Variants in ACSL6 observed in about 807,000 individuals in gnomAD.
ACSL6 encodes the protein acyl-CoA synthetase long chain family member 6.
Under a neutral mutation model 98.2 loss-of-function variants are expected in ACSL6, and 47 were observed. That is an observed-to-expected ratio of 0.48 (90% CI 0.38 to 0.61). The LOEUF (loss-of-function observed/expected upper bound fraction) is 0.61. Among genes scored for constraint, ACSL6 ranks in the 20% least tolerant of loss-of-function variants. The probability of loss-of-function intolerance (pLI) is 0.00; values close to 1 mark genes in which losing one functional copy is unlikely to be tolerated. For synonymous variants in ACSL6, 362 were observed against 336.9 expected (o/e 1.07, Z -0.82); for missense variants, 761 against 913.4 (o/e 0.83, Z 2.15).
chr5:131,959,712 C>T, intron 19 of ACSL6, 105 bp from the exon 20 acceptor site: 2 of 1,085,346 alleles, frequency 1.8e-6, no homozygotes, highest in Non-Finnish European at 1.4e-6. Flanking sequence ...ATTGTGCCAA[C>T]ATGTGCTAAC....
chr5:131,985,899 T>G (rs1011231014), intron 8 of ACSL6, among the ~76,000 whole-genome samples: 5 of 152,358 alleles, frequency 3.3e-5, no homozygotes, highest in African/African-American at 1.2e-4. Flanking sequence ...GCTTGGGCAC[T>G]GAGCTGCCCA....
At chr5:131,969,975 C>A (rs888335699) in intron 15 of ACSL6, among the ~76,000 whole-genome samples, 153 bp downstream of exon 15, 1 of 152,160 alleles carries the variant, frequency 6.6e-6, no homozygotes, top group Non-Finnish European at 1.5e-5. Context: ...ATGCCACAAC[C>A]CAGACATAAC....
At position 131,972,098 on chromosome 5, in the gene ACSL6, G is replaced by A. The variant is rs145031472; in HGVS notation, c.1339-453C>T. On this transcript the variant is annotated intron_variant, in intron 13 of 20. Coordinates refer to ENST00000651883, the MANE Select transcript of ACSL6 (RefSeq NM_001009185.3). The stretch of plus-strand genomic sequence containing the variant: ...TTATTTACTATGTACTGCTGAGGAC[G>A]AAGAATACTTGAAACACTTTGTTTA... 2.5e-3 allele frequency among the ~76,000 whole-genome samples: 378 copies of A among 152,184 alleles called. 3 individuals carry two copies. The highest frequency in any genetic ancestry group is 5.0e-3 in the Admixed American group (77 of 15,296).
In ACSL6 at chr5:131,989,413, C is replaced by A; in HGVS notation, c.546G>T (p.Arg182=). The part of the protein sequence containing the change: ...DQFIGVFAQN[R]PEWIIVELAC... ...AGTCAAGGTAGATGCTCACCTCTGG[C>A]CGATTTTGTGCAAAAACACCAATAA... The change falls in exon 5 of 21, where the codon CGG becomes CGT. Residue 182 remains arginine (R), a synonymous_variant. Coordinates refer to ENST00000651883, the MANE Select transcript of ACSL6 (RefSeq NM_001009185.3). The A allele has an allele frequency of 6.2e-7, 1 of 1,613,824 alleles. No individual in the cohort carries two copies. Among genetic ancestry groups the A allele is most frequent in the South Asian group, 1.1e-5 (1 of 91,056 alleles).
At chr5:131,986,102 G>A (rs1165276115) in intron 8 of ACSL6, among the ~76,000 whole-genome samples, 1 of 152,234 alleles carries the variant, frequency 6.6e-6, no homozygotes, top group Non-Finnish European at 1.5e-5. Context: ...TTGGGGAGAG[G>A]AACCAGCCTG....
At chr5:131,973,005 C>A (rs536283666) in intron 12 of ACSL6, 147 bp from the exon 13 acceptor site, 2 of 1,235,582 alleles carry the variant, frequency 1.6e-6, no homozygotes, top group Non-Finnish European at 2.2e-6. Flanking sequence ...TGACATTGAG[C>A]TGAAGGTTAA....
chr5:131,991,029 C>T (rs1323712540), intron 2 of ACSL6, 62 bp from the exon 3 acceptor site: 67 of 1,414,432 alleles, frequency 4.7e-5, no homozygotes, highest in Non-Finnish European at 5.8e-5. Flanking sequence ...AGGAGAGGGC[C>T]GCAGCATGCA....
intron 14 of ACSL6, 115 bp from the exon 15 acceptor site, chr5:131,970,315 G>A (rs1211147358): frequency 1.2e-6 from 1 of 866,128 alleles, no homozygotes; most frequent in Admixed American, 2.0e-5. Context: ...TCATGATCAG[G>A]GCGATGGAGG....
rs1430777544 is a variant in ACSL6, at chr5:131,951,983, A to C, written c.*2251T>G. 1 of 177,440 alleles carries C rather than the reference A, an allele frequency of 5.6e-6. No individual in the cohort carries two copies. The highest frequency in any genetic ancestry group is 1.2e-5 in the Non-Finnish European group (1 of 82,560). The allele number at this position is 177,440 out of a possible 1,614,324, so 11.0% of individuals were successfully genotyped here. ...AAGTTTTACATTACTTGTTTCTGTC[A>C]CATTGTTCAAAATTCTTTTGGGCTT... On this transcript the variant is annotated 3_prime_UTR_variant, in exon 21 of 21. Coordinates refer to ENST00000651883, the MANE Select transcript of ACSL6 (RefSeq NM_001009185.3).
chr5:131,956,389 A>T (rs954389834), intron 20 of ACSL6, among the ~76,000 whole-genome samples: 1 of 152,232 alleles, frequency 6.6e-6, no homozygotes, highest in Admixed American at 6.5e-5. Flanking sequence ...GTGGCTGTCT[A>T]TAAAATAGTT....
chr5:131,994,557 C>T (rs1434430397), intron 1 of ACSL6: 1 of 403,308 alleles, frequency 2.5e-6, no homozygotes, highest in Non-Finnish European at 4.6e-6. Context: ...GCTCTGGCAG[C>T]TCTGGGAATG....
intron 17 of ACSL6, among the ~76,000 whole-genome samples, 200 bp from the exon 18 acceptor site, chr5:131,962,878 T>C (rs1370803862): frequency 6.6e-6 from 1 of 151,982 alleles, no homozygotes; most frequent in African/African-American, 2.4e-5. Context: ...GGCATCCAAG[T>C]TCTGCTGGGC....
intron 1 of ACSL6, among the ~76,000 whole-genome samples, chr5:131,997,565 A>T (rs567924886): frequency 3.3e-5 from 5 of 152,334 alleles, no homozygotes; most frequent in Middle Eastern, 3.4e-3. Context: ...GGGACCAGCC[A>T]GTTGGGCCAG....
intron 18 of ACSL6, chr5:131,960,856 C>A: frequency 2.6e-6 from 1 of 389,740 alleles, no homozygotes. Context: ...TAAAGTTAGA[C>A]TGATATGCAC....
At chr5:132,009,187 G>A (rs1412649191) in intron 1 of ACSL6, among the ~76,000 whole-genome samples, 1 of 152,208 alleles carries the variant, frequency 6.6e-6, no homozygotes, top group Non-Finnish European at 1.5e-5. Context: ...TCCTCCTGGT[G>A]CATTGCCACA....
At chr5:131,978,842 A>C (rs1405922762) in intron 9 of ACSL6, among the ~76,000 whole-genome samples, 1 of 152,230 alleles carries the variant, frequency 6.6e-6, no homozygotes, top group African/African-American at 2.4e-5. Flanking sequence ...GTCAGAGATA[A>C]GAGCATCAGG....
Position 131,951,826 on chromosome 5 carries a change from A to G in ACSL6, c.*2408T>C. On this transcript the variant is annotated 3_prime_UTR_variant, in exon 21 of 21. Transcript: ENST00000651883. ...ATGGTCTCGATCTCCTGACTTCGTG[A>G]TCTGCCCGCCTCGGCCTCCCAAAGT... is the stretch of plus-strand genomic sequence containing the variant. 6.1e-6 allele frequency: 1 copy of G among 162,844 alleles called. No homozygotes were observed. The highest frequency in any genetic ancestry group is 1.3e-5 in the Non-Finnish European group (1 of 74,278). 10.1% of individuals were successfully genotyped at this position (162,844 alleles called of 1,614,324 possible).
upstream of ACSL6, chr5:132,011,860 G>T (rs1174663651): frequency 1.3e-6 from 2 of 1,518,574 alleles, no homozygotes; most frequent in Admixed American, 2.1e-5. This position sits in a 1 kb window ranked among gnomAD's most constrained non-coding sequence, Gnocchi z 5.4. Context: ...CGGGGGAGGG[G>T]CCCGGCCGCA....
intron 9 of ACSL6, 189 bp downstream of exon 9, chr5:131,985,218 C>A (rs189851175): frequency 5.9e-6 from 4 of 674,510 alleles, no homozygotes; most frequent in Admixed American, 4.4e-5. Flanking sequence ...TGCACACTAT[C>A]CATCTGCATC....
Sources: gnomAD v4.1 joint callset for allele counts (sites outside exome capture counted in the v4.1 genomes callset) on GRCh38, gnomAD v4.1.1 for gene constraint, Gnocchi (gnomAD v3.1) non-coding constraint, MANE v1.5 for transcripts, NCBI Gene and HGNC (gene_info 2026-07-23, HGNC 2026-07-21) for gene names.